The following THSD4 variants were observed in gnomAD, a reference collection of about 807,000 sequenced individuals.
THSD4 encodes the protein thrombospondin type 1 domain containing 4, also known as thrombospondin type-1 domain-containing protein 4.
A neutral mutation model predicts 119.0 loss-of-function variants in THSD4; 69 were observed. The observed-to-expected ratio is 0.58, with a 90% CI of 0.48 to 0.71. The LOEUF is 0.71. Ranked by LOEUF, THSD4 falls within the 30% of genes least tolerant of loss-of-function variation. The pLI, the probability that THSD4 is intolerant of heterozygous loss-of-function variation, is 0.00. For missense variants in THSD4, 1,393 were observed against 1,391.1 expected, an observed-to-expected ratio of 1.00 and a Z score of -0.02; for synonymous variants, 524 against 540.4, an observed-to-expected ratio of 0.97 and a Z score of 0.42.
intron 3 of THSD4, among the ~76,000 whole-genome samples, chr15:71,173,521 T>C (rs1375890919): frequency 1.3e-5 from 2 of 150,778 alleles, no homozygotes; most frequent in African/African-American, 4.9e-5. Flanking sequence ...GGCAAATAGA[T>C]AATGGAATAG....
At chr15:71,608,522 A>G (rs1455761424) in intron 7 of THSD4, among the ~76,000 whole-genome samples, 1 of 152,192 alleles carries the variant, frequency 6.6e-6, no homozygotes, top group Non-Finnish European at 1.5e-5. Flanking sequence ...AATGCTGTGC[A>G]TTTGAGTTGT....
chr15:71,648,805 G>A (rs74022184), intron 7 of THSD4, among the ~76,000 whole-genome samples: 4,399 of 152,192 alleles, frequency 0.029, 197 homozygotes, highest in African/African-American at 0.099. Context: ...GACGCGTCTC[G>A]AGGAGAAGGA....
At chr15:71,540,438 C>CTTT (rs11335522) in intron 7 of THSD4, among the ~76,000 whole-genome samples, 8 of 126,218 alleles carry the variant, frequency 6.3e-5, no homozygotes, top group African/African-American at 1.2e-4. Context: ...ACCTGGCCGC[C>CTTT]TTTTTTTTTT....
At chr15:71,533,616 T>C (rs2048647559) in intron 7 of THSD4, among the ~76,000 whole-genome samples, 1 of 152,222 alleles carries the variant, frequency 6.6e-6, no homozygotes, top group Non-Finnish European at 1.5e-5. Flanking sequence ...TCCACGATTC[T>C]CAGAGATGGA....
chr15:71,570,891 C>T (rs2049339078), intron 7 of THSD4, among the ~76,000 whole-genome samples: 1 of 152,042 alleles, frequency 6.6e-6, no homozygotes, highest in African/African-American at 2.4e-5. Flanking sequence ...GGCAGTTTCC[C>T]AGACTACACT....
intron 3 of THSD4, among the ~76,000 whole-genome samples, chr15:71,208,678 A>AT (rs1372517473): frequency 6.6e-6 from 1 of 151,656 alleles, no homozygotes; most frequent in East Asian, 1.9e-4. Flanking sequence ...TGCCCAGCTA[A>AT]TTTTTGTATT....
At chr15:71,274,916 G>A (rs2044572984) in intron 6 of THSD4, among the ~76,000 whole-genome samples, 1 of 152,072 alleles carries the variant, frequency 6.6e-6, no homozygotes, top group Non-Finnish European at 1.5e-5. Flanking sequence ...GACTAAATAG[G>A]AATGATTTTA....
At chr15:71,337,443 C>A (rs1009400710) in intron 6 of THSD4, among the ~76,000 whole-genome samples, 1 of 152,212 alleles carries the variant, frequency 6.6e-6, no homozygotes, top group African/African-American at 2.4e-5. Flanking sequence ...GGAGAAAAAC[C>A]GCAAATACTT....
chr15:71,652,247 C>T (rs966813653), intron 7 of THSD4, among the ~76,000 whole-genome samples: 1 of 152,106 alleles, frequency 6.6e-6, no homozygotes, highest in African/African-American at 2.4e-5. Context: ...CAGACCCATC[C>T]CACGTGGTTT....
chr15:71,205,358 G>T (rs2043834856), intron 3 of THSD4, among the ~76,000 whole-genome samples: 1 of 152,292 alleles, frequency 6.6e-6, no homozygotes, highest in Middle Eastern at 3.4e-3. Context: ...CACAGGTATT[G>T]AGAGAAAGCC....
chr15:71,291,813 T>C (rs1442924265), intron 6 of THSD4, among the ~76,000 whole-genome samples: 2 of 152,130 alleles, frequency 1.3e-5, no homozygotes, highest in Admixed American at 1.3e-4. Context: ...ACACATAACC[T>C]ACCATTTGCA....
At chr15:71,425,981 C>T (rs2046861533) in intron 7 of THSD4, among the ~76,000 whole-genome samples, 1 of 152,194 alleles carries the variant, frequency 6.6e-6, no homozygotes, top group Non-Finnish European at 1.5e-5. Flanking sequence ...TTCTCGAGTC[C>T]TTGCAGAGCT....
chr15:71,754,173 T>A (rs2141186773), intron 14 of THSD4, among the ~76,000 whole-genome samples: 1 of 143,330 alleles, frequency 7.0e-6, no homozygotes, highest in Admixed American at 7.3e-5. Flanking sequence ...CACTGCAACC[T>A]CCACCTCCCG....
chr15:71,172,634 T>C (rs185711667), intron 3 of THSD4, among the ~76,000 whole-genome samples: 190 of 79,228 alleles, frequency 2.4e-3, no homozygotes, highest in African/African-American at 6.3e-3. Flanking sequence ...GGTGTAAAGA[T>C]AGGCAAATAG....
chr15:71,374,961 C>T (rs2046111795), intron 6 of THSD4, among the ~76,000 whole-genome samples: 1 of 152,106 alleles, frequency 6.6e-6, no homozygotes, highest in South Asian at 2.1e-4. Context: ...GTGGAATCAC[C>T]TGTCCTGCGG....
At chr15:71,705,429 G>T (rs995073749) in intron 8 of THSD4, among the ~76,000 whole-genome samples, 4 of 152,172 alleles carry the variant, frequency 2.6e-5, no homozygotes, top group African/African-American at 9.7e-5. Context: ...TTGCCTTGTT[G>T]GGGAGGGAAG....
intron 7 of THSD4, among the ~76,000 whole-genome samples, chr15:71,476,894 A>T (rs979677230): frequency 1.3e-5 from 2 of 152,138 alleles, no homozygotes; most frequent in Non-Finnish European, 2.9e-5. Flanking sequence ...CTGCCTCATC[A>T]GTTATCTGGG....
intron 8 of THSD4, among the ~76,000 whole-genome samples, chr15:71,722,404 G>A (rs2052739926): frequency 6.6e-6 from 1 of 152,152 alleles, no homozygotes; most frequent in African/African-American, 2.4e-5. Flanking sequence ...AAAGATTCAA[G>A]GTACCAATTT....
intron 15 of THSD4, among the ~76,000 whole-genome samples, chr15:71,758,606 C>G (rs981995027): frequency 6.6e-6 from 1 of 152,182 alleles, no homozygotes; most frequent in Non-Finnish European, 1.5e-5. Flanking sequence ...TACATTTTCC[C>G]TCACTCTTCC....
Sources: gnomAD v4.1 joint callset for allele counts (sites outside exome capture counted in the v4.1 genomes callset) on GRCh38, gnomAD v4.1.1 for gene constraint, MANE v1.5 for transcripts, NCBI Gene and HGNC (gene_info 2026-07-23, HGNC 2026-07-21) for gene names.